The following MSI2 variants were observed in gnomAD, a reference collection of about 807,000 sequenced individuals.
The protein encoded by MSI2 is musashi RNA binding protein 2.
MSI2 carries 17 observed loss-of-function variants against 45.6 expected under a neutral mutation model. The ratio of observed to expected loss-of-function variants is 0.37; its 90% CI spans 0.26 to 0.56. The LOEUF (loss-of-function observed/expected upper bound fraction) is 0.56, where lower values mean the gene tolerates loss of function less well. MSI2 is among the 20% of genes least tolerant of loss of function. MSI2 has a pLI of 0.77. For synonymous variants in MSI2, 156 were observed against 158.2 expected (o/e 0.99, Z 0.11); for missense variants, 293 against 444.2 (o/e 0.66, Z 3.06).
At chr17:57,676,439 C>T (rs1339077996) in intron 12 of MSI2, among the ~76,000 whole-genome samples, 1 of 152,178 alleles carries the variant, frequency 6.6e-6, no homozygotes, top group Admixed American at 6.5e-5. Flanking sequence ...ATATTATTCA[C>T]CTGAGAGCTG....
At chr17:57,292,017 T>C (rs1347129146) in intron 5 of MSI2, among the ~76,000 whole-genome samples, 1 of 151,772 alleles carries the variant, frequency 6.6e-6, no homozygotes, top group Non-Finnish European at 1.5e-5. Flanking sequence ...GAGTCAGGGA[T>C]GGAAACAAAA....
At chr17:57,307,142 C>T (rs1911988797) in intron 5 of MSI2, among the ~76,000 whole-genome samples, 1 of 152,220 alleles carries the variant, frequency 6.6e-6, no homozygotes, top group African/African-American at 2.4e-5. Flanking sequence ...TGTGCAACCC[C>T]CTGTGATTAA....
intron 7 of MSI2, among the ~76,000 whole-genome samples, chr17:57,569,929 A>G (rs2087831711): frequency 1.3e-5 from 2 of 152,194 alleles, no homozygotes; most frequent in African/African-American, 4.8e-5. Context: ...TGCATCTGCC[A>G]TCAGTGGGAA....
intron 7 of MSI2, among the ~76,000 whole-genome samples, chr17:57,546,076 A>T (rs2087160615): frequency 6.6e-6 from 1 of 152,268 alleles, no homozygotes; most frequent in Admixed American, 6.5e-5. Flanking sequence ...GTAACTGGAG[A>T]TTCCGGGGCG....
intron 6 of MSI2, among the ~76,000 whole-genome samples, chr17:57,403,596 C>T (rs1598221859): frequency 6.6e-6 from 1 of 152,174 alleles, no homozygotes; most frequent in African/African-American, 2.4e-5. Flanking sequence ...TGTATCAAAG[C>T]CATAATGCTC....
intron 5 of MSI2, among the ~76,000 whole-genome samples, chr17:57,304,699 C>T (rs1911736210): frequency 6.6e-6 from 1 of 152,146 alleles, no homozygotes; most frequent in Non-Finnish European, 1.5e-5. Flanking sequence ...GCTGGGATTA[C>T]AGGTGTGAGC....
chr17:57,493,790 C>A (rs956517174), intron 6 of MSI2, among the ~76,000 whole-genome samples: 9 of 152,010 alleles, frequency 5.9e-5, no homozygotes, highest in Non-Finnish European at 1.3e-4. Flanking sequence ...GCTCTTCCTC[C>A]CCTTGGAGCC....
intron 9 of MSI2, chr17:57,616,660 G>A (rs1907742706): frequency 6.6e-6 from 1 of 151,352 alleles, no homozygotes; most frequent in Admixed American, 6.6e-5. Flanking sequence ...GAAAGACAAA[G>A]TGTGTTTGTT....
At chr17:57,450,321 A>AAGAGAGAAAGAGAG in intron 6 of MSI2, 1 of 147,106 alleles carries the variant, frequency 6.8e-6, no homozygotes, top group African/African-American at 2.5e-5. Context: ...GAAAGAAAGA[A>AAGAGAGAAAGAGAG]AACCTTTGTT....
At position 57,681,621 on chromosome 17, in the gene MSI2, A is replaced by T. The variant is rs1314583650; in HGVS notation, c.*2104A>T. On this transcript the variant is annotated 3_prime_UTR_variant, in exon 14 of 14. Coordinates refer to ENST00000284073, the MANE Select transcript of MSI2 (RefSeq NM_138962.4). ...TTTCAATTCTAATGAAACAGCAACAACATTTTTTTTAATTAAAAAAAAAAT... is the reference window on the plus strand; with the variant it reads ...TTTCAATTCTAATGAAACAGCAACATCATTTTTTTTAATTAAAAAAAAAAT... 2 of 186,054 alleles carry T rather than the reference A, an allele frequency of 1.1e-5. 1 individual carries two copies. Among genetic ancestry groups the T allele is most frequent in the South Asian group, 3.9e-4 (2 of 5,110 alleles). 11.5% of individuals were successfully genotyped at this position (186,054 alleles called of 1,614,324 possible).
At chr17:57,481,126 G>T (rs1360852393) in intron 6 of MSI2, among the ~76,000 whole-genome samples, 1 of 152,220 alleles carries the variant, frequency 6.6e-6, no homozygotes, top group African/African-American at 2.4e-5. Flanking sequence ...GTTAACCATT[G>T]TGGGTGCAAG....
At chr17:57,381,445 G>T in intron 5 of MSI2, among the ~76,000 whole-genome samples, 1 of 151,170 alleles carries the variant, frequency 6.6e-6, no homozygotes, top group Non-Finnish European at 1.5e-5. Context: ...CCTCCCCAAG[G>T]CAGTGACCCT....
intron 5 of MSI2, among the ~76,000 whole-genome samples, chr17:57,382,986 TG>T (rs1444964665): frequency 1.3e-5 from 2 of 152,202 alleles, no homozygotes; most frequent in Non-Finnish European, 2.9e-5. Flanking sequence ...GGATTCACTT[TG>T]GGACACAGAG....
intron 6 of MSI2, among the ~76,000 whole-genome samples, chr17:57,475,804 T>TACACAC (rs56753762): frequency 6.0e-5 from 9 of 150,220 alleles, no homozygotes; most frequent in South Asian, 2.1e-4. Flanking sequence ...CATGCTTGTG[T>TACACAC]ACACACACAC....
chr17:57,338,159 G>A (rs1341281701), intron 5 of MSI2, among the ~76,000 whole-genome samples: 1 of 151,860 alleles, frequency 6.6e-6, no homozygotes, highest in Non-Finnish European at 1.5e-5. Flanking sequence ...GCGTGATCTC[G>A]GCTCACTACA....
In MSI2 at chr17:57,623,636, C is replaced by T. The variant is rs138298851; in HGVS notation, c.653-3593C>T. On this transcript the variant is annotated intron_variant, in intron 9 of 13. Coordinates refer to ENST00000284073, the MANE Select transcript of MSI2 (RefSeq NM_138962.4). ...GATAATTACTGTGGGATTGATCAGGCGTCCAGAGTATTGGAGCAGATAAAT... is the reference window on the plus strand; with the variant it reads ...GATAATTACTGTGGGATTGATCAGGTGTCCAGAGTATTGGAGCAGATAAAT... Among the ~76,000 whole-genome samples the T allele has an allele frequency of 4.3e-4, 66 of 152,264 alleles. No homozygotes were observed. The South Asian group carries it at 7.5e-3, about 17-fold the overall frequency.
intron 6 of MSI2, among the ~76,000 whole-genome samples, chr17:57,496,768 G>A (rs1258072174): frequency 6.6e-6 from 1 of 152,238 alleles, no homozygotes; most frequent in Non-Finnish European, 1.5e-5. Flanking sequence ...GAACAGGGCA[G>A]GGCACCCAAG....
intron 5 of MSI2, among the ~76,000 whole-genome samples, chr17:57,376,864 C>G (rs1355958306): frequency 6.9e-6 from 1 of 143,984 alleles, no homozygotes; most frequent in Non-Finnish European, 1.5e-5. Flanking sequence ...CTCCCACCCC[C>G]GACCCAGGAA....
chr17:57,492,142 G>T (rs929703470), intron 6 of MSI2, among the ~76,000 whole-genome samples: 5 of 152,176 alleles, frequency 3.3e-5, no homozygotes, highest in Non-Finnish European at 4.4e-5. Context: ...TCTTTCATTT[G>T]TAATTCTTGA....
Sources: gnomAD v4.1 joint callset for allele counts (sites outside exome capture counted in the v4.1 genomes callset) on GRCh38, gnomAD v4.1.1 for gene constraint, MANE v1.5 for transcripts, NCBI Gene and HGNC (gene_info 2026-07-23, HGNC 2026-07-21) for gene names.